The following ARHGAP21 variants were observed in gnomAD, a reference collection of about 807,000 sequenced individuals.
The protein encoded by ARHGAP21 is Rho GTPase activating protein 21, also known as rho GTPase-activating protein 21.
ARHGAP21 carries 38 observed loss-of-function variants against 164.6 expected under a neutral mutation model. The ratio of observed to expected loss-of-function variants is 0.23; its 90% CI spans 0.18 to 0.30. ARHGAP21 has a LOEUF of 0.30. Ranked by LOEUF, ARHGAP21 falls within the 10% of genes least tolerant of loss-of-function variation. The pLI, the probability that ARHGAP21 is intolerant of heterozygous loss-of-function variation, is 1.00. For synonymous variants in ARHGAP21, 766 were observed against 857.9 expected (o/e 0.89, Z 1.87); for missense variants, 1,822 against 2,370.7 (o/e 0.77, Z 4.81).
rs1336426433 is a variant in ARHGAP21 at position 24,600,809 on chromosome 10, C to T, written c.2969G>A (p.Ser990Asn). The change falls in exon 14 of 26, where the codon AGT becomes AAT. Residue 990 changes from serine to asparagine, a missense_variant. Physicochemically the swap from Ser to Asn is conservative, Grantham distance 46 (BLOSUM62 1). Transcript: ENST00000396432. ...TTPSEEEQPISVNACLIDISY... is the reference protein window; with the variant it reads ...TTPSEEEQPINVNACLIDISY... Reference sequence around the variant, plus strand: ...GATGTCTATCAAGCAAGCATTAACACTGATGGGCTGCTCTTCCTCAGACGG... The same window carrying T: ...GATGTCTATCAAGCAAGCATTAACATTGATGGGCTGCTCTTCCTCAGACGG... The T allele has an allele frequency of 6.2e-7, 1 of 1,614,208 alleles. No individual in the cohort carries two copies. Among genetic ancestry groups the T allele is most frequent in the East Asian group, 2.2e-5 (1 of 44,884 alleles).
chr10:24,590,273 A>C (rs556840251), intron 24 of ARHGAP21: 1 of 1,506,700 alleles, frequency 6.6e-7, no homozygotes, highest in South Asian at 1.3e-5. Context: ...TTAAGAAAGT[A>C]GTATTGATCT....
intron 2 of ARHGAP21, among the ~76,000 whole-genome samples, chr10:24,695,837 C>T (rs1843127923): frequency 6.6e-6 from 1 of 152,096 alleles, no homozygotes; most frequent in Non-Finnish European, 1.5e-5. Context: ...ACCAGCAACC[C>T]ATGAGTGATC....
At chr10:24,692,143 T>G (rs894339561) in intron 2 of ARHGAP21, among the ~76,000 whole-genome samples, 1 of 152,168 alleles carries the variant, frequency 6.6e-6, no homozygotes, top group Non-Finnish European at 1.5e-5. Flanking sequence ...TGAAGTCTAG[T>G]AGATGGAGAG....
rs137912735 is a variant in ARHGAP21, at chr10:24,710,182, C to T, written c.63+11655G>A. Among the ~76,000 whole-genome samples, 848 of 152,226 alleles carry T rather than the reference C, an allele frequency of 5.6e-3. 8 individuals are homozygous for T. Among genetic ancestry groups the T allele is most frequent in the African/African-American group, 0.019 (807 of 41,536 alleles). On this transcript the variant is annotated intron_variant, in intron 2 of 25. Coordinates refer to ENST00000396432, the MANE Select transcript of ARHGAP21 (RefSeq NM_020824.4). ...AATAAGCTACAGCTAGGGAGAATAT[C>T]CAGTATCTCTAGATATAAATATTCT...
intron 4 of ARHGAP21, among the ~76,000 whole-genome samples, chr10:24,656,375 G>T (rs1416284203): frequency 2.1e-5 from 2 of 97,274 alleles, no homozygotes; most frequent in Non-Finnish European, 2.1e-5. Flanking sequence ...CAGCCGCCCC[G>T]TCCGGGAGGG....
At chr10:24,675,694 G>A (rs1280250091) in intron 2 of ARHGAP21, among the ~76,000 whole-genome samples, 1 of 152,182 alleles carries the variant, frequency 6.6e-6, no homozygotes, top group Non-Finnish European at 1.5e-5. Flanking sequence ...ATGGGGCTGA[G>A]ATCTGGGGAA....
intron 11 of ARHGAP21, 123 bp downstream of exon 11, chr10:24,607,376 T>C (rs371125353): frequency 3.7e-6 from 3 of 801,576 alleles, no homozygotes; most frequent in African/African-American, 3.5e-5. Flanking sequence ...ACTTTATTTA[T>C]TTGCATTTCT....
intron 11 of ARHGAP21, 60 bp from the exon 12 acceptor site, chr10:24,604,408 A>T (rs1364874849): frequency 8.2e-7 from 1 of 1,213,318 alleles, no homozygotes; most frequent in African/African-American, 1.6e-5. Flanking sequence ...TTAAAGATGT[A>T]AGAATAATTT....
At chr10:24,669,539 T>A (rs1345141901) in intron 3 of ARHGAP21, among the ~76,000 whole-genome samples, 1 of 152,334 alleles carries the variant, frequency 6.6e-6, no homozygotes. Flanking sequence ...CAACTACTTA[T>A]CTGTTTTATG....
chr10:24,616,257 T>C (rs1053788325), intron 9 of ARHGAP21, among the ~76,000 whole-genome samples: 4 of 152,220 alleles, frequency 2.6e-5, no homozygotes, highest in African/African-American at 9.7e-5. Flanking sequence ...AAGTATATGA[T>C]TTCTCTTTAT....
At chr10:24,649,084 A>G (rs2131527068) in intron 4 of ARHGAP21, among the ~76,000 whole-genome samples, 1 of 152,368 alleles carries the variant, frequency 6.6e-6, no homozygotes, top group East Asian at 1.9e-4. Context: ...TTACATGAGG[A>G]AATATTACCC....
At chr10:24,653,722 C>T (rs1455565202) in intron 4 of ARHGAP21, among the ~76,000 whole-genome samples, 1 of 152,168 alleles carries the variant, frequency 6.6e-6, no homozygotes, top group Admixed American at 6.5e-5. Context: ...TGCCAACTCA[C>T]AGACCTGTTT....
chr10:24,592,163 T>A, intron 21 of ARHGAP21, 151 bp from the exon 22 acceptor site: 2 of 722,058 alleles, frequency 2.8e-6, no homozygotes, highest in Non-Finnish European at 4.0e-6. Context: ...AAGATTTTTT[T>A]TTTTTTTTTT....
At chr10:24,614,050 AACATTT>A (rs1162496726) in intron 9 of ARHGAP21, among the ~76,000 whole-genome samples, 1 of 152,232 alleles carries the variant, frequency 6.6e-6, no homozygotes, top group Non-Finnish European at 1.5e-5. Flanking sequence ...CAACAAATTC[AACATTT>A]ACTTAGAAAT....
At chr10:24,708,932 T>A (rs1844508360) in intron 2 of ARHGAP21, among the ~76,000 whole-genome samples, 1 of 152,218 alleles carries the variant, frequency 6.6e-6, no homozygotes, top group South Asian at 2.1e-4. Context: ...ATAAGTGGAT[T>A]TCTTTTCCTT....
chr10:24,597,306 G>T, intron 16 of ARHGAP21, 141 bp downstream of exon 16: 1 of 1,128,724 alleles, frequency 8.9e-7, no homozygotes, highest in Non-Finnish European at 1.2e-6. Flanking sequence ...GGCCCAATGA[G>T]CCCAGACCAA....
intron 6 of ARHGAP21, among the ~76,000 whole-genome samples, chr10:24,632,880 T>C (rs1001123090): frequency 4.6e-5 from 7 of 152,200 alleles, no homozygotes; most frequent in Non-Finnish European, 7.4e-5. Context: ...CGAGGTCTCA[T>C]AGACAGTCAC....
intron 4 of ARHGAP21, among the ~76,000 whole-genome samples, chr10:24,658,393 G>A (rs562654119): frequency 6.6e-6 from 1 of 152,172 alleles, no homozygotes; most frequent in South Asian, 2.1e-4. Flanking sequence ...TGTTTATTGC[G>A]GCACTATTCA....
At chr10:24,591,598 C>CA (rs2076334522) in intron 23 of ARHGAP21, 44 bp downstream of exon 23, 1 of 1,604,686 alleles carries the variant, frequency 6.2e-7, no homozygotes, top group Non-Finnish European at 8.5e-7. Context: ...ATCTTGTGTC[C>CA]CAAATGAAAC....
Sources: allele counts gnomAD v4.1 joint callset (sites outside exome capture counted in the v4.1 genomes callset), GRCh38; gene constraint gnomAD v4.1.1; transcripts MANE v1.5; gene names NCBI Gene and HGNC (gene_info 2026-07-23, HGNC 2026-07-21).